Variants in OXCT1 observed in about 807,000 individuals in gnomAD.
OXCT1 encodes succinyl-CoA:3-ketoacid coenzyme A transferase 1, mitochondrial.
A neutral mutation model predicts 69.6 loss-of-function variants in OXCT1; 27 were observed. The ratio of observed to expected loss-of-function variants is 0.39; its 90% confidence interval spans 0.29 to 0.54. The LOEUF (loss-of-function observed/expected upper bound fraction) is 0.54. OXCT1 is among the 20% of genes least tolerant of loss of function. OXCT1 has a pLI of 0.72. For synonymous variants in OXCT1, 202 were observed against 217.8 expected, an observed-to-expected ratio of 0.93 and a Z score of 0.64; for missense variants, 437 against 650.2, an observed-to-expected ratio of 0.67 and a Z score of 3.57.
At chr5:41,839,276 C>T (rs1204019841) in intron 7 of OXCT1, among the ~76,000 whole-genome samples, 1 of 152,150 alleles carries the variant, frequency 6.6e-6, no homozygotes, top group African/African-American at 2.4e-5. Flanking sequence ...TAATGCATAA[C>T]GCCCCTCTGT....
intron 16 of OXCT1, among the ~76,000 whole-genome samples, chr5:41,738,727 T>C (rs941165359): frequency 6.6e-6 from 1 of 152,226 alleles, no homozygotes; most frequent in Non-Finnish European, 1.5e-5. Flanking sequence ...AGGTGATTGA[T>C]TTATGAATAA....
intron 5 of OXCT1, among the ~76,000 whole-genome samples, chr5:41,847,531 A>G (rs1225142012): frequency 1.3e-5 from 2 of 150,850 alleles, no homozygotes; most frequent in Non-Finnish European, 1.5e-5. Flanking sequence ...AAAATCCTCA[A>G]TAAAATACTG....
Position 41,731,457 on chromosome 5 carries a change from T to A in OXCT1, c.*272A>T. 6 of 990,054 alleles carry A rather than the reference T, an allele frequency of 6.1e-6. No homozygotes were observed. The highest frequency in any genetic ancestry group is 8.0e-6 in the Non-Finnish European group (6 of 748,258). The allele number at this position is 990,054 out of a possible 1,614,324, so 61.3% of individuals were successfully genotyped here. A position where few individuals can be genotyped will look rare whatever the true frequency, so the allele number is the denominator to read the frequency against. On this transcript the variant is annotated 3_prime_UTR_variant, in exon 17 of 17. Transcript: ENST00000196371. Reference sequence around the variant, plus strand: ...CATATAATTTAGCATACATACCATATTCAGTGAAAATGCATTCAATATAAT... The same window carrying A: ...CATATAATTTAGCATACATACCATAATCAGTGAAAATGCATTCAATATAAT...
chr5:41,805,637 A>G lies in OXCT1; in HGVS notation c.885T>C (p.Ala295=). The G allele has an allele frequency of 6.2e-7, 1 of 1,613,092 alleles. No homozygotes were observed. The highest frequency in any genetic ancestry group is 1.7e-4 in the Middle Eastern group (1 of 6,054). The change falls in exon 9 of 17, where the codon GCT becomes GCC. Residue 295 remains alanine, a synonymous_variant. Coordinates refer to ENST00000196371, the MANE Select transcript of OXCT1 (RefSeq NM_000436.4). ...GTTCCCTTACGTCATCTCCAGGTTT[A>G]GCAGATTTGGCTTCCCCATCTCCCT... ...RKEGDGEAKS[A]KPGDDVRERI... is the part of the protein sequence containing the mutation.
At chr5:41,869,735 G>A (rs1398891096) in intron 1 of OXCT1, among the ~76,000 whole-genome samples, 2 of 152,078 alleles carry the variant, frequency 1.3e-5, no homozygotes, top group Admixed American at 6.5e-5. Flanking sequence ...GAGAGGATGG[G>A]AGCGGCATTC....
At chr5:41,827,121 T>C (rs1269713876) in intron 7 of OXCT1, among the ~76,000 whole-genome samples, 6 of 152,200 alleles carry the variant, frequency 3.9e-5, no homozygotes, top group Admixed American at 3.9e-4. Flanking sequence ...TCTGCCCCTT[T>C]ATGCCTCTAA....
At chr5:41,767,241 T>C (rs1388954769) in intron 13 of OXCT1, among the ~76,000 whole-genome samples, 1 of 152,224 alleles carries the variant, frequency 6.6e-6, no homozygotes, top group Non-Finnish European at 1.5e-5. Flanking sequence ...TGTTACACTT[T>C]CTTTTAAAAA....
At chr5:41,750,598 CAT>C (rs943376999) in intron 14 of OXCT1, among the ~76,000 whole-genome samples, 5 of 152,118 alleles carry the variant, frequency 3.3e-5, no homozygotes, top group African/African-American at 1.2e-4. Flanking sequence ...TAATGTACCA[CAT>C]GTGACGCCAC....
intron 7 of OXCT1, among the ~76,000 whole-genome samples, chr5:41,821,845 A>T (rs1456772402): frequency 6.6e-6 from 1 of 152,182 alleles, no homozygotes; most frequent in Non-Finnish European, 1.5e-5. Flanking sequence ...GTCTTTTATA[A>T]GATACATGTT....
intron 5 of OXCT1, chr5:41,843,700 C>T (rs2112412753): frequency 2.8e-6 from 1 of 362,448 alleles, no homozygotes; most frequent in East Asian, 8.2e-5. Flanking sequence ...CCTACCGCAC[C>T]CCCTAGTGGA....
At chr5:41,820,833 T>A (rs1344473262) in intron 7 of OXCT1, among the ~76,000 whole-genome samples, 35 of 152,130 alleles carry the variant, frequency 2.3e-4, no homozygotes, top group Admixed American at 2.3e-3. Flanking sequence ...GACCTTACTT[T>A]TCTTGTTTAT....
intron 13 of OXCT1, among the ~76,000 whole-genome samples, chr5:41,778,774 CTT>C: frequency 6.6e-6 from 1 of 152,314 alleles, no homozygotes; most frequent in East Asian, 1.9e-4. Flanking sequence ...TTAAGGTTCT[CTT>C]TTTATTCTGA....
chr5:41,815,368 G>T (rs72746952), intron 7 of OXCT1, among the ~76,000 whole-genome samples: 8,681 of 152,062 alleles, frequency 0.057, 270 homozygotes, highest in African/African-American at 0.079. Flanking sequence ...TTTTTGAGAT[G>T]AGATCTCATT....
chr5:41,819,464 G>A (rs1257269786), intron 7 of OXCT1, among the ~76,000 whole-genome samples: 6 of 151,980 alleles, frequency 3.9e-5, no homozygotes, highest in South Asian at 2.1e-4. Flanking sequence ...TCCGCCTCCC[G>A]GGTTCAAGCG....
chr5:41,765,966 T>A (rs1429954507), intron 13 of OXCT1, among the ~76,000 whole-genome samples: 1 of 152,066 alleles, frequency 6.6e-6, no homozygotes. Context: ...AATATATCTT[T>A]AAATAAGTCA....
chr5:41,832,262 C>G (rs979320089), intron 7 of OXCT1, among the ~76,000 whole-genome samples: 14 of 152,078 alleles, frequency 9.2e-5, no homozygotes, highest in African/African-American at 3.1e-4. Flanking sequence ...CCTGACCCAC[C>G]ACAGTCCCAG....
chr5:41,800,807 T>C (rs1442942354), intron 11 of OXCT1, among the ~76,000 whole-genome samples: 1 of 152,080 alleles, frequency 6.6e-6, no homozygotes, highest in East Asian at 1.9e-4. Flanking sequence ...GATTGATCCA[T>C]CAAAGCTCTT....
Position 41,739,383 on chromosome 5 carries a change from T to C in OXCT1, c.1521+7A>G. 1 of 1,572,106 alleles carries C rather than the reference T, an allele frequency of 6.4e-7. No individual in the cohort carries two copies. Among genetic ancestry groups the C allele is most frequent in the Non-Finnish European group, 8.8e-7 (1 of 1,141,802 alleles). On this transcript the variant is annotated splice_region_variant and intron_variant, in intron 16 of 16. Coordinates refer to ENST00000196371, the MANE Select transcript of OXCT1 (RefSeq NM_000436.4). The stretch of plus-strand genomic sequence containing the variant: ...AAGTGTCTGGATTTGTTCACAGAAA[T>C]ACTTACTGCAAAATCACACCCAGTA...
intron 7 of OXCT1, among the ~76,000 whole-genome samples, chr5:41,833,524 G>GAA (rs70988870): frequency 0.015 from 2,002 of 137,300 alleles, 33 homozygotes; most frequent in Middle Eastern, 0.051. Flanking sequence ...TCTTTGATCT[G>GAA]AAAAAAAAAA....
Sources: gnomAD v4.1 joint callset for allele counts (sites outside exome capture counted in the v4.1 genomes callset) on GRCh38, gnomAD v4.1.1 for gene constraint, MANE v1.5 for transcripts, NCBI Gene and HGNC (gene_info 2026-07-23, HGNC 2026-07-21) for gene names.